Variants in RBMS3 observed in about 807,000 individuals in gnomAD.
RBMS3 encodes RNA-binding motif, single-stranded-interacting protein 3.
A neutral mutation model predicts 66.8 loss-of-function variants in RBMS3; 27 were observed. The ratio of observed to expected loss-of-function variants is 0.40; its 90% CI spans 0.30 to 0.56. The LOEUF (loss-of-function observed/expected upper bound fraction) is 0.56. Ranked by LOEUF, RBMS3 falls within the 20% of genes least tolerant of loss-of-function variation. The pLI is 0.40. For synonymous variants in RBMS3, 188 were observed against 183.0 expected (o/e 1.03, Z -0.22); for missense variants, 513 against 549.5 (o/e 0.93, Z 0.66).
intron 12 of RBMS3, among the ~76,000 whole-genome samples, chr3:29,971,986 A>C (rs73829214): frequency 6.6e-6 from 1 of 152,158 alleles, no homozygotes; most frequent in Admixed American, 6.5e-5. Flanking sequence ...GGAATAGCCA[A>C]ACATAATTGA....
chr3:29,778,421 T>A (rs2149405450), intron 6 of RBMS3, among the ~76,000 whole-genome samples: 1 of 149,254 alleles, frequency 6.7e-6, no homozygotes, highest in East Asian at 2.0e-4. Context: ...CCCAATCTTA[T>A]CAATAAACTT....
intron 4 of RBMS3, among the ~76,000 whole-genome samples, chr3:29,626,528 T>C (rs1406801723): frequency 6.6e-6 from 1 of 152,146 alleles, no homozygotes; most frequent in Non-Finnish European, 1.5e-5. Flanking sequence ...TATTAGGAAA[T>C]AATAATTTAT....
intron 1 of RBMS3, among the ~76,000 whole-genome samples, chr3:29,340,078 A>G (rs2036192706): frequency 1.3e-5 from 2 of 152,298 alleles, no homozygotes; most frequent in South Asian, 4.1e-4. Flanking sequence ...ATTAAAGCAC[A>G]ATCCTAGATC....
intron 4 of RBMS3, chr3:29,731,010 G>T (rs1414772927): frequency 1.0e-6 from 1 of 985,162 alleles, no homozygotes; most frequent in Admixed American, 6.2e-5. Flanking sequence ...CAGGACCAAA[G>T]GTAACTTAAA....
chr3:29,976,147 A>T (rs1007158142), intron 12 of RBMS3, among the ~76,000 whole-genome samples: 2 of 151,950 alleles, frequency 1.3e-5, no homozygotes, highest in Non-Finnish European at 2.9e-5. Flanking sequence ...ACAATTTTGT[A>T]TGCCACTAGC....
chr3:29,785,996 T>G (rs1393799192), intron 6 of RBMS3, among the ~76,000 whole-genome samples: 1 of 151,824 alleles, frequency 6.6e-6, no homozygotes, highest in Non-Finnish European at 1.5e-5. Context: ...CAGCAAAATT[T>G]CAGCATACAA....
intron 1 of RBMS3, among the ~76,000 whole-genome samples, chr3:29,336,519 T>C (rs2035958817): frequency 6.6e-6 from 1 of 152,058 alleles, no homozygotes; most frequent in South Asian, 2.1e-4. Flanking sequence ...CCAAAGATAC[T>C]GATGGCAATG....
At chr3:29,526,789 G>A (rs2045129745) in intron 3 of RBMS3, among the ~76,000 whole-genome samples, 1 of 151,946 alleles carries the variant, frequency 6.6e-6, no homozygotes, top group South Asian at 2.1e-4. Flanking sequence ...TTTAAAGATA[G>A]ATAACGTTTC....
intron 4 of RBMS3, among the ~76,000 whole-genome samples, chr3:29,697,350 A>G (rs2052325951): frequency 6.6e-6 from 1 of 152,166 alleles, no homozygotes; most frequent in South Asian, 2.1e-4. Context: ...CATTTGCACA[A>G]TCCTATTTAT....
intron 1 of RBMS3, among the ~76,000 whole-genome samples, chr3:29,371,704 G>A (rs1219166234): frequency 1.3e-5 from 2 of 152,046 alleles, no homozygotes; most frequent in East Asian, 1.9e-4. Context: ...TGTTTTATTG[G>A]TTCCAAGGAA....
At chr3:29,611,905 T>C (rs1183436456) in intron 4 of RBMS3, among the ~76,000 whole-genome samples, 1 of 152,100 alleles carries the variant, frequency 6.6e-6, no homozygotes, top group East Asian at 1.9e-4. Flanking sequence ...CAAACACAAA[T>C]GTATCCTCCC....
chr3:29,891,911 T>C (rs1383451468), intron 8 of RBMS3, among the ~76,000 whole-genome samples: 2 of 151,586 alleles, frequency 1.3e-5, no homozygotes, highest in Non-Finnish European at 1.5e-5. Context: ...GCCCTAACAA[T>C]ATTGCCTGTG....
At chr3:29,599,828 G>A (rs1379527) in intron 4 of RBMS3, among the ~76,000 whole-genome samples, 10,235 of 152,022 alleles carry the variant, frequency 0.067, 386 homozygotes, top group Non-Finnish European at 0.084. Flanking sequence ...AGACTTCTGC[G>A]TGAAGCACAG....
chr3:29,532,210 T>C lies in RBMS3; in HGVS notation c.307+43711T>C, dbSNP rs373474816. On this transcript the variant is annotated intron_variant, in intron 3 of 14. Coordinates refer to ENST00000383767, the MANE Select transcript of RBMS3 (RefSeq NM_001003793.3). ...AGATCATTCCTGATCTATGTATATA[T>C]GATCTTTCAGTCTTATTTTAATTTC... Among the ~76,000 whole-genome samples, 72 of 147,864 alleles carry C rather than the reference T, an allele frequency of 4.9e-4. No homozygotes were observed. In the East Asian group the frequency reaches 0.012, roughly 25 times the overall value.
At chr3:29,816,001 G>A (rs892911709) in intron 6 of RBMS3, among the ~76,000 whole-genome samples, 12 of 151,964 alleles carry the variant, frequency 7.9e-5, no homozygotes, top group African/African-American at 2.7e-4. Context: ...TAGTATATTA[G>A]CTGTTACTGT....
intron 1 of RBMS3, among the ~76,000 whole-genome samples, chr3:29,414,127 A>G (rs1575750370): frequency 6.6e-6 from 1 of 152,180 alleles, no homozygotes; most frequent in South Asian, 2.1e-4. Flanking sequence ...CTTTCTAATC[A>G]CTGTTGAATC....
intron 1 of RBMS3, among the ~76,000 whole-genome samples, chr3:29,282,856 G>A (rs999092296): frequency 8.6e-5 from 13 of 152,032 alleles, no homozygotes; most frequent in Non-Finnish European, 1.6e-4. Flanking sequence ...ATTTTGTCTC[G>A]TCCAGCAACG....
At chr3:29,911,466 G>C in intron 10 of RBMS3, among the ~76,000 whole-genome samples, 1 of 151,994 alleles carries the variant, frequency 6.6e-6, no homozygotes, top group East Asian at 1.9e-4. Flanking sequence ...AGTTCCGTTT[G>C]CATTTCTAGG....
At chr3:29,871,995 A>G (rs1227803242) in intron 7 of RBMS3, among the ~76,000 whole-genome samples, 1 of 149,544 alleles carries the variant, frequency 6.7e-6, no homozygotes, top group Non-Finnish European at 1.5e-5. Context: ...GCTAGTGGCC[A>G]TGTTCTACAT....
Sources: allele counts gnomAD v4.1 joint callset (sites outside exome capture counted in the v4.1 genomes callset), GRCh38; gene constraint gnomAD v4.1.1; transcripts MANE v1.5; gene names NCBI Gene and HGNC (gene_info 2026-07-23, HGNC 2026-07-21).